ZFP90: variants seen among roughly 807,000 people sequenced by gnomAD.
ZFP90 encodes ZFP90 zinc finger protein, also known as zinc finger protein 90 homolog.
In ZFP90, 38 loss-of-function variants were observed where a neutral mutation model predicts 60.8. The observed-to-expected ratio is 0.62, with a 90% CI of 0.48 to 0.82. The LOEUF is 0.82. ZFP90 is among the 40% of genes least tolerant of loss of function. ZFP90 has a pLI of 0.00. For missense variants in ZFP90, 711 were observed against 759.1 expected, an observed-to-expected ratio of 0.94 and a Z score of 0.74; for synonymous variants, 287 against 264.8, an observed-to-expected ratio of 1.08 and a Z score of -0.82.
chr16:68,567,553 C>CA (rs1597758057), downstream of ZFP90, among the ~76,000 whole-genome samples: 2 of 152,218 alleles, frequency 1.3e-5, no homozygotes, highest in Admixed American at 1.3e-4. Context: ...GTTGCTAGGC[C>CA]AAAAGATAAA....
chr16:68,555,098 T>C (rs2091322506), intron 2 of ZFP90: 1 of 152,262 alleles, frequency 6.6e-6, no homozygotes, highest in Admixed American at 6.5e-5. Flanking sequence ...TAGGACCTGG[T>C]ACAGAGCCTA....
At chr16:68,550,868 CAAGGCAT>C (rs969890943) in intron 2 of ZFP90, among the ~76,000 whole-genome samples, 6 of 152,094 alleles carry the variant, frequency 3.9e-5, no homozygotes, top group Non-Finnish European at 7.3e-5. Context: ...TTGGTGACTG[CAAGGCAT>C]AAAGGAAAAA....
At position 68,565,907 on chromosome 16, in the gene ZFP90, T is replaced by C. The variant is rs2091519305; in HGVS notation, c.*1209T>C. The C allele has an allele frequency of 1.1e-6, 1 of 937,242 alleles. No homozygotes were observed. The highest frequency in any genetic ancestry group is 4.9e-5 in the South Asian group (1 of 20,386). 58.1% of individuals were successfully genotyped at this position (937,242 alleles called of 1,614,324 possible). ...TGGGTGGCTAAGGCAGATAGACTGCTTGAACCCAGGAGTTCAAGACCAGCC... is the reference window on the plus strand; with the variant it reads ...TGGGTGGCTAAGGCAGATAGACTGCCTGAACCCAGGAGTTCAAGACCAGCC... On this transcript the variant is annotated 3_prime_UTR_variant, in exon 5 of 5. Transcript: ENST00000563169.
upstream of ZFP90, among the ~76,000 whole-genome samples, chr16:68,537,799 T>TC (rs1296930485): frequency 6.6e-6 from 1 of 152,208 alleles, no homozygotes; most frequent in African/African-American, 2.4e-5. Context: ...ATTCCTGGGC[T>TC]CCTCCCTCCT....
At chr16:68,541,286 C>T (rs2091045118) in intron 2 of ZFP90, among the ~76,000 whole-genome samples, 2 of 151,920 alleles carry the variant, frequency 1.3e-5, no homozygotes, top group South Asian at 2.1e-4. Flanking sequence ...GATCCGCCCA[C>T]GTTGGCCTCC....
chr16:68,534,450 G>A (rs1350390547), upstream of ZFP90, among the ~76,000 whole-genome samples: 17 of 149,916 alleles, frequency 1.1e-4, no homozygotes, highest in African/African-American at 3.7e-4. Context: ...GCATGGTCTT[G>A]ATCTCCTAAC....
chr16:68,553,721 C>G (rs2091297434), intron 2 of ZFP90, among the ~76,000 whole-genome samples: 1 of 152,116 alleles, frequency 6.6e-6, no homozygotes, highest in Admixed American at 6.6e-5. Flanking sequence ...CGGGCTCAAG[C>G]AGTCCTCCTG....
In ZFP90 at chr16:68,564,138, C is replaced by T. The variant is rs1473913674; in HGVS notation, c.1351C>T (p.His451Tyr). 6.2e-7 allele frequency: 1 copy of T among 1,614,164 alleles called. No homozygotes were observed. The highest frequency in any genetic ancestry group is 2.2e-5 in the East Asian group (1 of 44,880). The change falls in exon 5 of 5, where the codon CAT becomes TAT. Residue 451 changes from histidine (H) to tyrosine (Y), a missense_variant. His to Tyr is a moderately conservative substitution (Grantham distance 83, BLOSUM62 2). This residue lies in a region of ZFP90 where 295 missense variants were observed against 274.0 expected (regional missense o/e 1.08). Transcript: ENST00000563169. ...ESTLTEVKSY[H>Y]CNDCGEDFSH... is the part of the protein sequence containing the mutation. The stretch of plus-strand genomic sequence containing the variant: ...CACTCTTACCGAAGTGAAATCCTAC[C>T]ATTGTAATGACTGTGGGGAAGACTT...
At chr16:68,562,182 A>T (rs1162590047) in intron 4 of ZFP90, 2 of 152,206 alleles carry the variant, frequency 1.3e-5, no homozygotes, top group Non-Finnish European at 2.9e-5. Flanking sequence ...ATATGCAGTG[A>T]AATGTACAAG....
chr16:68,573,192 G>C (rs946969879), intron 2 of ZFP90, among the ~76,000 whole-genome samples: 6 of 152,362 alleles, frequency 3.9e-5, no homozygotes, highest in Admixed American at 3.3e-4. Context: ...CCATAAGGCT[G>C]TGTCAATGGC....
Position 68,566,921 on chromosome 16 carries a change from G to A in ZFP90, c.*2223G>A. On this transcript the variant is annotated 3_prime_UTR_variant, in exon 5 of 5. Coordinates refer to ENST00000563169, the MANE Select transcript of ZFP90 (RefSeq NM_001305203.2). Reference sequence around the variant, plus strand: ...GAGTACTGGTTTGTGTTTGGTGCTTGGCCTAGATCCAGCCACCACTCTGAA... The same window carrying A: ...GAGTACTGGTTTGTGTTTGGTGCTTAGCCTAGATCCAGCCACCACTCTGAA... 1 of 985,566 alleles carries A rather than the reference G, an allele frequency of 1.0e-6. No homozygotes were observed. The highest frequency in any genetic ancestry group is 1.2e-6 in the Non-Finnish European group (1 of 829,954). The allele number at this position is 985,566 out of a possible 1,614,324, so 61.1% of individuals were successfully genotyped here. A position where few individuals can be genotyped will look rare whatever the true frequency, so the allele number is the denominator to read the frequency against.
chr16:68,575,884 A>C (rs1324354620), exon 3 of ZFP90: 1 of 398,356 alleles, frequency 2.5e-6, no homozygotes, highest in African/African-American at 2.1e-5. Context: ...TGATGTCAGC[A>C]AGAATGGCTA....
intron 2 of ZFP90, chr16:68,557,215 T>G (rs2091358251): frequency 2.2e-5 from 10 of 455,538 alleles, no homozygotes; most frequent in South Asian, 1.4e-4. Flanking sequence ...CTCAAACTCT[T>G]GGGCTCCTGT....
chr16:68,574,440 G>A (rs145070191), intron 2 of ZFP90, among the ~76,000 whole-genome samples: 4 of 150,934 alleles, frequency 2.7e-5, no homozygotes, highest in Non-Finnish European at 5.9e-5. Context: ...AACAGTGGTC[G>A]AGGTAATTAG....
rs747371188 is a variant in ZFP90, at chr16:68,564,139, A to G, written c.1352A>G (p.His451Arg). The G allele has an allele frequency of 8.7e-6, 14 of 1,614,068 alleles. No homozygotes were observed. In the African/African-American group the frequency reaches 1.2e-4, roughly 14 times the overall value. ...ACTCTTACCGAAGTGAAATCCTACCATTGTAATGACTGTGGGGAAGACTTT... is the reference window on the plus strand; with the variant it reads ...ACTCTTACCGAAGTGAAATCCTACCGTTGTAATGACTGTGGGGAAGACTTT... ...ESTLTEVKSYHCNDCGEDFSH... is the reference protein window; with the variant it reads ...ESTLTEVKSYRCNDCGEDFSH... The change falls in exon 5 of 5, where the codon CAT becomes CGT. Residue 451 changes from histidine to arginine, a missense_variant. By Grantham distance (29) the His-to-Arg change is conservative. Coordinates refer to ENST00000563169, the MANE Select transcript of ZFP90 (RefSeq NM_001305203.2).
chr16:68,557,999 A>C lies in ZFP90; in HGVS notation c.35A>C (p.Glu12Ala). 4 of 1,613,708 alleles carry C rather than the reference A, an allele frequency of 2.5e-6. No individual in the cohort carries two copies. The highest frequency in any genetic ancestry group is 3.4e-6 in the Non-Finnish European group (4 of 1,179,888). ...TTGAACAGGAATGTGATTTTACAGG[A>C]ATCAGTGACATTCAAAGATGTGTCT... ...APRPPTAAPQ[E>A]SVTFKDVSVD... The change falls in exon 3 of 5, where the codon GAA becomes GCA. Residue 12 changes from glutamate (E) to alanine (A), a missense_variant and splice_region_variant. Coordinates refer to ENST00000563169, the MANE Select transcript of ZFP90 (RefSeq NM_001305203.2).
In ZFP90 at chr16:68,564,593, T is replaced by A. The variant is rs1209610210; in HGVS notation, c.1806T>A (p.Ile602=). Reference sequence around the variant, plus strand: ...CCAACCTGCATGATCATCAGAGAATTCATACTGGAGAAAAACCCTATTCTT... The same window carrying A: ...CCAACCTGCATGATCATCAGAGAATACATACTGGAGAAAAACCCTATTCTT... ...KKTNLHDHQR[I]HTGEKPYSCK... is the part of the protein sequence containing the mutation. The change falls in exon 5 of 5, where the codon ATT becomes ATA. Residue 602 remains isoleucine, a synonymous_variant. Coordinates refer to ENST00000563169, the MANE Select transcript of ZFP90 (RefSeq NM_001305203.2). 2.5e-6 allele frequency: 4 copies of A among 1,613,952 alleles called. No individual in the cohort carries two copies. Among genetic ancestry groups the A allele is most frequent in the Non-Finnish European group, 3.4e-6 (4 of 1,180,006 alleles).
chr16:68,553,900 C>G (rs1442832104), intron 2 of ZFP90, among the ~76,000 whole-genome samples: 1 of 152,092 alleles, frequency 6.6e-6, no homozygotes, highest in Non-Finnish European at 1.5e-5. Context: ...GCTAGGATCA[C>G]AGGTGTGAGC....
intron 2 of ZFP90, among the ~76,000 whole-genome samples, chr16:68,547,049 A>T (rs1051092375): frequency 1.3e-5 from 2 of 152,222 alleles, no homozygotes; most frequent in African/African-American, 4.8e-5. Context: ...TATGGCACTG[A>T]ACATGAACAT....
Sources: allele counts gnomAD v4.1 joint callset (sites outside exome capture counted in the v4.1 genomes callset), GRCh38; gene constraint gnomAD v4.1.1; regional missense constraint gnomAD v4.1.1; transcripts MANE v1.5; gene names NCBI Gene and HGNC (gene_info 2026-07-23, HGNC 2026-07-21).